DENND2A: variants seen among roughly 807,000 people sequenced by gnomAD.
The protein encoded by DENND2A is DENN domain containing 2A.
Under a neutral mutation model 105.3 loss-of-function variants are expected in DENND2A, and 53 were observed. That is an observed-to-expected ratio of 0.50 (90% CI 0.40 to 0.63). The LOEUF (loss-of-function observed/expected upper bound fraction) is 0.63. Among genes scored for constraint, DENND2A ranks in the 30% least tolerant of loss-of-function variants. The pLI is 0.00. For missense variants in DENND2A, 1,138 were observed against 1,279.6 expected (o/e 0.89, Z 1.69); for synonymous variants, 522 against 508.4 (o/e 1.03, Z -0.36).
At chr7:140,610,937 G>C (rs554506861) in intron 1 of DENND2A, among the ~76,000 whole-genome samples, 4 of 152,378 alleles carry the variant, frequency 2.6e-5, no homozygotes, top group African/African-American at 9.6e-5. Context: ...GGAAACACCA[G>C]CCTGGTGAAG....
At chr7:140,624,777 G>T (rs1800445349) in intron 1 of DENND2A, among the ~76,000 whole-genome samples, 1 of 150,348 alleles carries the variant, frequency 6.7e-6, no homozygotes, top group South Asian at 2.1e-4. Context: ...TGTTTCTGGT[G>T]ATTGTTTTTT....
intron 14 of DENND2A, among the ~76,000 whole-genome samples, chr7:140,528,392 C>T (rs6963099): frequency 0.35 from 53,556 of 151,966 alleles, 9,837 homozygotes; most frequent in Admixed American, 0.42. Context: ...CACATGCCAG[C>T]AGTCAGCTCC....
Position 140,523,447 on chromosome 7 carries a change from G to A in DENND2A, c.2548-23C>T. 1 of 1,608,474 alleles carries A rather than the reference G, an allele frequency of 6.2e-7. No individual in the cohort carries two copies. Among genetic ancestry groups the A allele is most frequent in the Non-Finnish European group, 8.5e-7 (1 of 1,175,198 alleles). Reference sequence around the variant, plus strand: ...CATCTGGAAAGCAGAGGTAGCAGGTGGGCTTATGGGCACGGTGGCTGCGTC... The same window carrying A: ...CATCTGGAAAGCAGAGGTAGCAGGTAGGCTTATGGGCACGGTGGCTGCGTC... On this transcript the variant is annotated intron_variant, in intron 16 of 19. Transcript: ENST00000496613. The surrounding 1 kb of genome is among the most constrained non-coding windows in gnomAD (Gnocchi z 4.5).
At chr7:140,531,871 G>A (rs1796284629) in intron 14 of DENND2A, among the ~76,000 whole-genome samples, 1 of 151,626 alleles carries the variant, frequency 6.6e-6, no homozygotes, top group Non-Finnish European at 1.5e-5. Context: ...GTGTGGTGGG[G>A]GCGGGTGGGA....
chr7:140,532,991 C>T (rs917415377), intron 14 of DENND2A, among the ~76,000 whole-genome samples: 7 of 120,122 alleles, frequency 5.8e-5, no homozygotes, highest in South Asian at 2.7e-4. Context: ...AGGCTACCTG[C>T]TTTTTTTTTT....
At chr7:140,563,676 TAAAAA>T (rs139848094) in intron 9 of DENND2A, among the ~76,000 whole-genome samples, 73 of 29,236 alleles carry the variant, frequency 2.5e-3, no homozygotes, top group African/African-American at 0.011. Flanking sequence ...ACCATTGCAT[TAAAAA>T]AAAAAAAAAA....
intron 12 of DENND2A, among the ~76,000 whole-genome samples, chr7:140,549,720 G>C (rs1797042636): frequency 6.6e-6 from 1 of 152,240 alleles, no homozygotes; most frequent in Non-Finnish European, 1.5e-5. Flanking sequence ...ATGACCATAT[G>C]ATCCAGCAAC....
At chr7:140,619,920 C>T (rs1004505681) in intron 1 of DENND2A, among the ~76,000 whole-genome samples, 1 of 151,954 alleles carries the variant, frequency 6.6e-6, no homozygotes, top group Admixed American at 6.6e-5. Flanking sequence ...AGGCTGGGTG[C>T]AGTGACTCAC....
intron 1 of DENND2A, among the ~76,000 whole-genome samples, chr7:140,627,239 T>G (rs989639711): frequency 6.6e-6 from 1 of 152,338 alleles, no homozygotes; most frequent in African/African-American, 2.4e-5. Flanking sequence ...TGAGATGGAC[T>G]CTTGCTCTGT....
chr7:140,599,720 T>G (rs1799413950), intron 3 of DENND2A, among the ~76,000 whole-genome samples: 1 of 151,982 alleles, frequency 6.6e-6, no homozygotes, highest in Non-Finnish European at 1.5e-5. Flanking sequence ...GTAAATAAAT[T>G]CTAGAATATG....
At chr7:140,596,292 T>C (rs1306084134) in intron 3 of DENND2A, among the ~76,000 whole-genome samples, 1 of 152,192 alleles carries the variant, frequency 6.6e-6, no homozygotes, top group Non-Finnish European at 1.5e-5. Flanking sequence ...CTAAATCAAG[T>C]TTCTCAGAAG....
chr7:140,539,964 C>T (rs754257822), intron 14 of DENND2A, among the ~76,000 whole-genome samples: 14 of 152,326 alleles, frequency 9.2e-5, no homozygotes, highest in Admixed American at 7.2e-4. Context: ...AACAAGACAG[C>T]GGAGTCCCGG....
chr7:140,599,215 G>A (rs1440590019), intron 3 of DENND2A, among the ~76,000 whole-genome samples: 5 of 152,072 alleles, frequency 3.3e-5, no homozygotes, highest in Non-Finnish European at 5.9e-5. Flanking sequence ...GCGTGCGCCT[G>A]TAATCTCAGC....
At chr7:140,546,733 A>G in intron 13 of DENND2A, 66 bp downstream of exon 13, 1 of 1,590,048 alleles carries the variant, frequency 6.3e-7, no homozygotes, top group Non-Finnish European at 8.6e-7. Context: ...AGCCCCTCTG[A>G]GCACGGAGAC....
intron 3 of DENND2A, among the ~76,000 whole-genome samples, chr7:140,600,052 G>T (rs1043253172): frequency 6.6e-6 from 1 of 152,000 alleles, no homozygotes; most frequent in Non-Finnish European, 1.5e-5. Context: ...TTAGGAAGGG[G>T]TATATGAAAA....
At chr7:140,570,430 GA>G (rs1291363255) in intron 6 of DENND2A, among the ~76,000 whole-genome samples, 2 of 151,612 alleles carry the variant, frequency 1.3e-5, no homozygotes, top group Admixed American at 6.6e-5. Flanking sequence ...GGAAGAGACA[GA>G]AAAAAAAAGT....
At chr7:140,582,857 A>G (rs1187813054) in intron 5 of DENND2A, among the ~76,000 whole-genome samples, 1 of 152,230 alleles carries the variant, frequency 6.6e-6, no homozygotes, top group Non-Finnish European at 1.5e-5. Context: ...TCCACTAAAT[A>G]TTGTAGAACT....
chr7:140,521,557 G>A (rs1435788965), intron 18 of DENND2A, among the ~76,000 whole-genome samples: 2 of 152,194 alleles, frequency 1.3e-5, no homozygotes, highest in African/African-American at 2.4e-5. Flanking sequence ...GATTATAGGC[G>A]TGAGTCACCC....
At chr7:140,609,446 G>A (rs958951593) in intron 1 of DENND2A, among the ~76,000 whole-genome samples, 1 of 152,184 alleles carries the variant, frequency 6.6e-6, no homozygotes, top group Non-Finnish European at 1.5e-5. Flanking sequence ...CCAGGAGGCG[G>A]AAGTTGCAGT....
Sources: allele counts gnomAD v4.1 joint callset (sites outside exome capture counted in the v4.1 genomes callset), GRCh38; gene constraint gnomAD v4.1.1; non-coding constraint Gnocchi (gnomAD v3.1); transcripts MANE v1.5; gene names NCBI Gene and HGNC (gene_info 2026-07-23, HGNC 2026-07-21).